TENM3: variants seen among roughly 807,000 people sequenced by gnomAD.
TENM3 encodes the protein teneurin-3.
A neutral mutation model predicts 255.1 loss-of-function variants in TENM3; 63 were observed. The observed-to-expected ratio is 0.25, with a 90% CI of 0.20 to 0.30. The LOEUF (loss-of-function observed/expected upper bound fraction) is 0.30. TENM3 is among the 10% of genes least tolerant of loss of function. The pLI is 1.00. For missense variants in TENM3, 2,929 were observed against 3,461.1 expected, an observed-to-expected ratio of 0.85 and a Z score of 3.86; for synonymous variants, 1,306 against 1,322.3, an observed-to-expected ratio of 0.99 and a Z score of 0.27.
At chr4:182,183,719 T>G (rs1040289630) in intron 1 of TENM3, among the ~76,000 whole-genome samples, 1 of 152,166 alleles carries the variant, frequency 6.6e-6, no homozygotes. Flanking sequence ...ATACTAAGAT[T>G]GTGGAAGTTA....
intron 1 of TENM3, among the ~76,000 whole-genome samples, chr4:182,256,927 G>T (rs1758442041): frequency 6.6e-6 from 1 of 151,552 alleles, no homozygotes; most frequent in South Asian, 2.1e-4. Context: ...AAAAAAAACG[G>T]TACCCGGAGT....
the TENM3 span, among the ~76,000 whole-genome samples, chr4:182,067,426 A>G: frequency 1.3e-5 from 2 of 152,192 alleles, no homozygotes; most frequent in African/African-American, 2.4e-5. Context: ...GAAGGCTACA[A>G]AGACATTACT....
intron 3 of TENM3, among the ~76,000 whole-genome samples, chr4:182,354,769 G>A (rs954146547): frequency 1.3e-5 from 2 of 152,108 alleles, no homozygotes; most frequent in African/African-American, 4.8e-5. Context: ...ATGTTAAAAT[G>A]GATAGAAATG....
At chr4:182,782,466 T>A (rs1290297561) in intron 24 of TENM3, among the ~76,000 whole-genome samples, 6 of 116,720 alleles carry the variant, frequency 5.1e-5, no homozygotes, top group Non-Finnish European at 8.2e-5. Context: ...AGGAGAGCTT[T>A]ACTTCCAAGT....
chr4:182,569,239 A>G (rs758726573), intron 3 of TENM3, among the ~76,000 whole-genome samples: 1 of 152,172 alleles, frequency 6.6e-6, no homozygotes, highest in Non-Finnish European at 1.5e-5. Flanking sequence ...CCTTAAATGC[A>G]GTGGCTCAAG....
At chr4:182,119,285 G>A in the TENM3 span, among the ~76,000 whole-genome samples, 1 of 152,064 alleles carries the variant, frequency 6.6e-6, no homozygotes. Context: ...TCTCCCTGCC[G>A]AAGCACGAAG....
At chr4:182,609,811 C>T (rs1271160029) in intron 4 of TENM3, among the ~76,000 whole-genome samples, 2 of 144,798 alleles carry the variant, frequency 1.4e-5, no homozygotes. Context: ...TACTTCACAA[C>T]GACTTTATAA....
the TENM3 span, among the ~76,000 whole-genome samples, chr4:181,481,133 A>G: frequency 1.3e-5 from 2 of 151,198 alleles, no homozygotes; most frequent in Non-Finnish European, 2.9e-5. Flanking sequence ...TAAGAAAAAA[A>G]CCTATAAAAA....
At chr4:182,166,830 CAT>C (rs1040041690) in intron 1 of TENM3, among the ~76,000 whole-genome samples, 16 of 151,894 alleles carry the variant, frequency 1.1e-4, no homozygotes, top group African/African-American at 3.1e-4. Flanking sequence ...AAAAAATCCA[CAT>C]GTTTACTCTT....
At chr4:181,864,575 G>T in the TENM3 span, among the ~76,000 whole-genome samples, 1 of 152,144 alleles carries the variant, frequency 6.6e-6, no homozygotes, top group East Asian at 1.9e-4. Flanking sequence ...CACGAACTGG[G>T]AAACCGGTGT....
intron 6 of TENM3, among the ~76,000 whole-genome samples, chr4:182,665,739 CA>C: frequency 6.6e-6 from 1 of 151,972 alleles, no homozygotes; most frequent in Non-Finnish European, 1.5e-5. Flanking sequence ...ACAAAAAATA[CA>C]AAAAATTTAG....
the TENM3 span, among the ~76,000 whole-genome samples, chr4:182,005,165 T>C: frequency 1.3e-5 from 2 of 152,234 alleles, no homozygotes; most frequent in South Asian, 2.1e-4. Context: ...CTGAATGGTA[T>C]TGCCTAGGTT....
chr4:181,489,533 G>A, the TENM3 span, among the ~76,000 whole-genome samples: 3 of 152,148 alleles, frequency 2.0e-5, no homozygotes, highest in African/African-American at 7.2e-5. Flanking sequence ...TTTGATCTGA[G>A]CTCTGTTTGA....
chr4:182,133,160 C>T, the TENM3 span, among the ~76,000 whole-genome samples: 19 of 152,166 alleles, frequency 1.2e-4, no homozygotes, highest in African/African-American at 3.1e-4. Flanking sequence ...TAAGAGAAAA[C>T]AGGGTCACGT....
chr4:182,098,422 T>A, the TENM3 span, among the ~76,000 whole-genome samples: 2 of 152,278 alleles, frequency 1.3e-5, no homozygotes, highest in Middle Eastern at 6.8e-3. Context: ...AGTCAAGACG[T>A]GGAATCAACC....
At chr4:182,733,902 A>G (rs1005315864) in intron 16 of TENM3, among the ~76,000 whole-genome samples, 1 of 152,198 alleles carries the variant, frequency 6.6e-6, no homozygotes, top group Admixed American at 6.5e-5. Flanking sequence ...CCAAATTTCT[A>G]GCAAACTAGG....
At chr4:181,481,211 C>T in the TENM3 span, among the ~76,000 whole-genome samples, 2 of 151,782 alleles carry the variant, frequency 1.3e-5, no homozygotes, top group African/African-American at 4.8e-5. Context: ...TACAATCTAC[C>T]TGTAACACAT....
upstream of TENM3, among the ~76,000 whole-genome samples, chr4:182,139,937 C>T (rs1210452786): frequency 6.6e-6 from 1 of 152,218 alleles, no homozygotes; most frequent in Non-Finnish European, 1.5e-5. Context: ...AAAATGCATG[C>T]ACATTGAGAG....
the TENM3 span, among the ~76,000 whole-genome samples, chr4:181,925,642 TG>T: frequency 6.6e-6 from 1 of 152,212 alleles, no homozygotes; most frequent in African/African-American, 2.4e-5. Context: ...GGTTATAAAA[TG>T]TTATAAAGTT....
Sources: allele counts gnomAD v4.1 joint callset (sites outside exome capture counted in the v4.1 genomes callset), GRCh38; gene constraint gnomAD v4.1.1; transcripts MANE v1.5; gene names NCBI Gene and HGNC (gene_info 2026-07-23, HGNC 2026-07-21).